Variants in CSMD2 observed in about 807,000 individuals in gnomAD.
The protein encoded by CSMD2 is CUB and Sushi multiple domains 2, also known as CUB and sushi domain-containing protein 2.
A neutral mutation model predicts 398.5 loss-of-function variants in CSMD2; 130 were observed. That is an observed-to-expected ratio of 0.33 (90% CI 0.28 to 0.38). The LOEUF is 0.38. CSMD2 is among the 10% of genes least tolerant of loss of function. The pLI is 1.00. For missense variants in CSMD2, 3,829 were observed against 4,764.9 expected (o/e 0.80, Z 5.78); for synonymous variants, 1,828 against 1,908.5 (o/e 0.96, Z 1.10).
rs192389187 is a variant in CSMD2, at chr1:33,647,750, C to T, written c.4587-915G>A. 2.7e-3 allele frequency among the ~76,000 whole-genome samples: 414 copies of T among 152,302 alleles called. 4 individuals are homozygous for T. Among genetic ancestry groups the T allele is most frequent in the African/African-American group, 9.5e-3 (395 of 41,566 alleles). ...TAGAAGAATGGTGACATCACTGATGCTTTACAAAAAGTTTATGGGGACAAT... is the reference window on the plus strand; with the variant it reads ...TAGAAGAATGGTGACATCACTGATGTTTTACAAAAAGTTTATGGGGACAAT... On this transcript the variant is annotated intron_variant, in intron 28 of 70. Coordinates refer to ENST00000373381, the MANE Select transcript of CSMD2 (RefSeq NM_001281956.2).
At chr1:33,795,102 G>A (rs773712056) in intron 10 of CSMD2, among the ~76,000 whole-genome samples, 2 of 151,984 alleles carry the variant, frequency 1.3e-5, no homozygotes, top group Admixed American at 1.3e-4. Context: ...AGGTGAGGCG[G>A]GATGTAAGCC....
intron 3 of CSMD2, among the ~76,000 whole-genome samples, chr1:33,949,737 G>A (rs1570602020): frequency 6.6e-6 from 1 of 152,250 alleles, no homozygotes; most frequent in South Asian, 2.1e-4. Context: ...ACAAGAAGTG[G>A]CACATGGCCA....
chr1:33,567,888 A>G, intron 52 of CSMD2, 47 bp from the exon 53 acceptor site: 1 of 1,536,678 alleles, frequency 6.5e-7, no homozygotes. Context: ...CCCACAACTC[A>G]TTACTTTTCC....
intron 25 of CSMD2, among the ~76,000 whole-genome samples, chr1:33,677,916 C>G (rs1047806079): frequency 7.9e-6 from 1 of 126,830 alleles, no homozygotes; most frequent in African/African-American, 3.1e-5. Context: ...AATGAGAACA[C>G]GTGGACACAG....
intron 57 of CSMD2, among the ~76,000 whole-genome samples, chr1:33,543,145 T>C (rs1389644650): frequency 1.3e-5 from 2 of 152,226 alleles, no homozygotes; most frequent in Non-Finnish European, 2.9e-5. Flanking sequence ...TTATCGTCCT[T>C]AAAATTTTAA....
chr1:34,007,316 C>G (rs1342424227), intron 3 of CSMD2, among the ~76,000 whole-genome samples: 2 of 152,300 alleles, frequency 1.3e-5, no homozygotes, highest in South Asian at 2.1e-4. Context: ...AGGCCAGACC[C>G]TGGCCATGGA....
intron 13 of CSMD2, among the ~76,000 whole-genome samples, chr1:33,769,421 C>T (rs1650971877): frequency 6.6e-6 from 1 of 152,046 alleles, no homozygotes; most frequent in Non-Finnish European, 1.5e-5. Context: ...AGCAGGGGTC[C>T]CGGGAGATGT....
chr1:34,021,740 G>C (rs1177140426), intron 3 of CSMD2, among the ~76,000 whole-genome samples: 1 of 152,228 alleles, frequency 6.6e-6, no homozygotes, highest in Non-Finnish European at 1.5e-5. Context: ...ACATGGTAAA[G>C]AGTCCCCACC....
chr1:33,634,737 T>A (rs1642691843), intron 31 of CSMD2, among the ~76,000 whole-genome samples: 1 of 152,152 alleles, frequency 6.6e-6, no homozygotes, highest in East Asian at 1.9e-4. Context: ...GTCCTACCTA[T>A]AGCTTCTGGA....
At chr1:33,550,666 C>A (rs973672424) in intron 55 of CSMD2, among the ~76,000 whole-genome samples, 3 of 152,178 alleles carry the variant, frequency 2.0e-5, no homozygotes, top group African/African-American at 7.2e-5. Context: ...TGTCTCTGGG[C>A]AGGAAGGTGG....
chr1:33,574,334 A>AT (rs1178384707), intron 49 of CSMD2, among the ~76,000 whole-genome samples: 1 of 152,214 alleles, frequency 6.6e-6, no homozygotes, highest in East Asian at 1.9e-4. Flanking sequence ...TAGGGTCGAC[A>AT]TTATGTTTAT....
chr1:33,571,080 G>A (rs932741217), intron 51 of CSMD2, among the ~76,000 whole-genome samples: 1 of 152,188 alleles, frequency 6.6e-6, no homozygotes, highest in African/African-American at 2.4e-5. Flanking sequence ...AGGTTTAGGT[G>A]ACCTGTCGCC....
chr1:33,808,665 A>G (rs539187882), intron 10 of CSMD2, among the ~76,000 whole-genome samples: 49 of 152,150 alleles, frequency 3.2e-4, no homozygotes, highest in African/African-American at 1.2e-3. Flanking sequence ...CAAAGCATCA[A>G]AATTAAGATG....
At chr1:33,797,205 A>G (rs1204081795) in intron 10 of CSMD2, among the ~76,000 whole-genome samples, 2 of 151,656 alleles carry the variant, frequency 1.3e-5, no homozygotes, top group African/African-American at 4.8e-5. Context: ...CTGTTCTTGC[A>G]CCCCCTCCCC....
chr1:34,081,933 G>T (rs575631816), intron 2 of CSMD2, among the ~76,000 whole-genome samples: 31 of 151,764 alleles, frequency 2.0e-4, no homozygotes, highest in African/African-American at 7.5e-4. Flanking sequence ...CTTCCCGGCC[G>T]CCACCCCGTC....
chr1:34,116,957 A>G (rs962969085), intron 1 of CSMD2, among the ~76,000 whole-genome samples: 1 of 152,126 alleles, frequency 6.6e-6, no homozygotes, highest in Non-Finnish European at 1.5e-5. Flanking sequence ...AAATAAAGAT[A>G]AAGCATGCCA....
chr1:34,085,152 T>C (rs898569085), intron 2 of CSMD2, among the ~76,000 whole-genome samples: 8 of 152,078 alleles, frequency 5.3e-5, no homozygotes, highest in Admixed American at 5.2e-4. Flanking sequence ...ACACCGCATG[T>C]TCTCACTCAT....
At chr1:33,930,681 A>G (rs1177490633) in intron 4 of CSMD2, among the ~76,000 whole-genome samples, 1 of 152,172 alleles carries the variant, frequency 6.6e-6, no homozygotes, top group African/African-American at 2.4e-5. Context: ...TGAAATCCAC[A>G]TGATCTTCCC....
chr1:34,162,855 G>A (rs1162179697), intron 1 of CSMD2, among the ~76,000 whole-genome samples: 1 of 151,738 alleles, frequency 6.6e-6, no homozygotes, highest in Non-Finnish European at 1.5e-5. Context: ...GCAAAACTCC[G>A]TCTTAAAAAA....
Sources: gnomAD v4.1 joint callset for allele counts (sites outside exome capture counted in the v4.1 genomes callset) on GRCh38, gnomAD v4.1.1 for gene constraint, MANE v1.5 for transcripts, NCBI Gene and HGNC (gene_info 2026-07-23, HGNC 2026-07-21) for gene names.